The following SESN2 variants were observed in gnomAD, a reference collection of about 807,000 sequenced individuals.
SESN2 encodes the protein sestrin 2.
SESN2 carries 42 observed loss-of-function variants against 56.0 expected under a neutral mutation model. The ratio of observed to expected loss-of-function variants is 0.75; its 90% CI spans 0.59 to 0.97. The LOEUF (loss-of-function observed/expected upper bound fraction) is 0.97. Ranked by LOEUF, SESN2 falls within the 50% of genes least tolerant of loss-of-function variation. The pLI is 0.00. For missense variants in SESN2, 507 were observed against 649.4 expected (o/e 0.78, Z 2.38); for synonymous variants, 264 against 267.1 (o/e 0.99, Z 0.11).
rs563161497 is a variant in SESN2, at chr1:28,279,350, G to T, written c.1356+109G>T. 7 of 1,126,300 alleles carry T rather than the reference G, an allele frequency of 6.2e-6. No individual in the cohort carries two copies. The African/African-American group carries it at 9.3e-5, about 15-fold the overall frequency. 69.8% of individuals were successfully genotyped at this position (1,126,300 alleles called of 1,614,324 possible). On this transcript the variant is annotated intron_variant, in intron 9 of 9. Transcript: ENST00000253063. ...CCCCAGACTGAGTCTGTCCTGCTAGGTGGGACACCTGGGCCTATTCCTCTG... is the reference window on the plus strand; with the variant it reads ...CCCCAGACTGAGTCTGTCCTGCTAGTTGGGACACCTGGGCCTATTCCTCTG...
chr1:28,271,906 G>A (rs750659640), intron 3 of SESN2, 35 bp downstream of exon 3: 11 of 1,596,538 alleles, frequency 6.9e-6, no homozygotes, highest in Non-Finnish European at 9.4e-6. Flanking sequence ...TGGAGAGGTG[G>A]CTTTGTGGTG....
intron 8 of SESN2, among the ~76,000 whole-genome samples, chr1:28,276,465 C>T (rs944656616): frequency 2.0e-5 from 3 of 151,518 alleles, no homozygotes; most frequent in East Asian, 1.9e-4. Context: ...GGCCACACAG[C>T]GAGACCCTTC....
chr1:28,266,614 C>A (rs1467315712), intron 1 of SESN2, among the ~76,000 whole-genome samples: 1 of 140,622 alleles, frequency 7.1e-6, no homozygotes, highest in Non-Finnish European at 1.5e-5. Context: ...GGCTGGAATG[C>A]CGTGGTGCGA....
At chr1:28,260,051 G>A in intron 1 of SESN2, 114 bp downstream of exon 1, 1 of 748,788 alleles carries the variant, frequency 1.3e-6, no homozygotes, top group Non-Finnish European at 2.0e-6. Flanking sequence ...AAAGCCGAGC[G>A]CGTAACCCGG....
Position 28,274,938 on chromosome 1 carries a change from C to T in SESN2, c.1134C>T (p.Ile378=), listed in dbSNP as rs371365276. The T allele has an allele frequency of 5.5e-5, 88 of 1,614,048 alleles. No individual in the cohort carries two copies. The highest frequency in any genetic ancestry group is 7.2e-5 in the Non-Finnish European group (85 of 1,180,002). Residue 378 remains isoleucine (I), a synonymous_variant, in exon 8 of 10, where the codon ATC becomes ATT. Transcript: ENST00000253063. Reference sequence around the variant, plus strand: ...CCTATAGCCTCACCTACAATACCATCGCCATGCACAGTGGTGTGGACACCT... The same window carrying T: ...CCTATAGCCTCACCTACAATACCATTGCCATGCACAGTGGTGTGGACACCT... The part of the protein sequence containing the change: ...QAAYSLTYNT[I]AMHSGVDTSV...
At chr1:28,280,136 T>A (rs1160779754) in intron 9 of SESN2, among the ~76,000 whole-genome samples, 1 of 152,080 alleles carries the variant, frequency 6.6e-6, no homozygotes, top group African/African-American at 2.4e-5. Flanking sequence ...CACTATATTG[T>A]CCAGGCTGTA....
chr1:28,277,992 C>G (rs1648109427), intron 8 of SESN2, among the ~76,000 whole-genome samples: 2 of 152,184 alleles, frequency 1.3e-5, no homozygotes, highest in Non-Finnish European at 2.9e-5. Flanking sequence ...AGTTTCCAGC[C>G]AGTCATTCCT....
intron 2 of SESN2, among the ~76,000 whole-genome samples, chr1:28,269,856 TTAACATA>T (rs1415895252): frequency 6.6e-6 from 1 of 152,244 alleles, no homozygotes; most frequent in Admixed American, 6.5e-5. Context: ...ATTCATTTAC[TTAACATA>T]TCTATTAAAT....
At chr1:28,263,385 C>T (rs1200736675) in intron 1 of SESN2, among the ~76,000 whole-genome samples, 2 of 152,186 alleles carry the variant, frequency 1.3e-5, no homozygotes, top group Non-Finnish European at 2.9e-5. Context: ...CACTCACACC[C>T]CCTCCACCCT....
At chr1:28,261,109 G>A (rs1428574899) in intron 1 of SESN2, among the ~76,000 whole-genome samples, 6 of 152,140 alleles carry the variant, frequency 3.9e-5, no homozygotes, top group African/African-American at 1.4e-4. Context: ...GTTGTATTCT[G>A]GACCTGGGAT....
intron 1 of SESN2, among the ~76,000 whole-genome samples, chr1:28,267,863 T>A (rs1647612665): frequency 6.6e-6 from 1 of 152,182 alleles, no homozygotes; most frequent in African/African-American, 2.4e-5. Context: ...CACAGACTAG[T>A]ATGAATGACC....
intron 5 of SESN2, 52 bp downstream of exon 5, chr1:28,272,845 G>A: frequency 9.7e-7 from 1 of 1,025,766 alleles, no homozygotes; most frequent in Non-Finnish European, 1.4e-6. Context: ...ATGACCTCTG[G>A]TCCTTAGGTA....
rs772247772 is a variant in SESN2 at position 28,274,992 on chromosome 1, T to C, written c.1188T>C (p.Tyr396=). ...TSVLRRAIWN[Y]IHCVFGIRYD... ...TGCTCCGCAGGGCCATCTGGAACTATATCCACTGCGTCTTTGGCATCAGGT... is the reference window on the plus strand; with the variant it reads ...TGCTCCGCAGGGCCATCTGGAACTACATCCACTGCGTCTTTGGCATCAGGT... The change falls in exon 8 of 10, where the codon TAT becomes TAC. Residue 396 remains tyrosine, a synonymous_variant. Transcript: ENST00000253063. 4.0e-5 allele frequency: 64 copies of C among 1,613,668 alleles called. No homozygotes were observed. The highest frequency in any genetic ancestry group is 5.3e-5 in the Non-Finnish European group (62 of 1,179,692).
Position 28,259,736 on chromosome 1 carries a change from G to C in SESN2, c.-112G>C, listed in dbSNP as rs1273160227. ...CTGGAGCCCCGAGAGACGCCCCGGGGTTCTAGAAGCTCCCCGGCGGCGCCC... is the reference window on the plus strand; with the variant it reads ...CTGGAGCCCCGAGAGACGCCCCGGGCTTCTAGAAGCTCCCCGGCGGCGCCC... On this transcript the variant is annotated 5_prime_UTR_variant, in exon 1 of 10. Transcript: ENST00000253063. 3 of 761,738 alleles carry C rather than the reference G, an allele frequency of 3.9e-6. No individual in the cohort carries two copies. The highest frequency in any genetic ancestry group is 8.4e-5 in the Admixed American group (2 of 23,950). The allele number at this position is 761,738 out of a possible 1,614,324, so 47.2% of individuals were successfully genotyped here.
At chr1:28,269,096 C>T (rs955776732) in intron 1 of SESN2, 87 bp from the exon 2 acceptor site, 1 of 946,952 alleles carries the variant, frequency 1.1e-6, no homozygotes, top group Non-Finnish European at 1.6e-6. Flanking sequence ...CAGTGTAGCC[C>T]CTTGGATAGG....
At chr1:28,263,759 C>T (rs503048) in intron 1 of SESN2, among the ~76,000 whole-genome samples, 54,568 of 151,852 alleles carry the variant, frequency 0.36, 10,906 homozygotes, top group African/African-American at 0.54. Context: ...GCCAGGCAGC[C>T]GTGGGTTCAG....
At chr1:28,276,463 A>G (rs1648043063) in intron 8 of SESN2, among the ~76,000 whole-genome samples, 1 of 152,070 alleles carries the variant, frequency 6.6e-6, no homozygotes, top group South Asian at 2.1e-4. Context: ...TGGGCCACAC[A>G]GCGAGACCCT....
chr1:28,272,967 A>G (rs192049116), intron 5 of SESN2, among the ~76,000 whole-genome samples, 174 bp downstream of exon 5: 3 of 152,306 alleles, frequency 2.0e-5, no homozygotes, highest in Admixed American at 2.0e-4. Flanking sequence ...GGGGAGATAA[A>G]GACCCTCTAC....
intron 5 of SESN2, 65 bp from the exon 6 acceptor site, chr1:28,273,293 T>A: frequency 6.9e-7 from 1 of 1,445,304 alleles, no homozygotes; most frequent in South Asian, 1.4e-5. Context: ...CTGGGAAGGA[T>A]GAGTGGAGCT....
Sources: gnomAD v4.1 joint callset for allele counts (sites outside exome capture counted in the v4.1 genomes callset) on GRCh38, gnomAD v4.1.1 for gene constraint, MANE v1.5 for transcripts, NCBI Gene and HGNC (gene_info 2026-07-23, HGNC 2026-07-21) for gene names.